INPP5A: variants seen among roughly 807,000 people sequenced by gnomAD.
INPP5A encodes 43 kDa inositol polyphosphate 5-phophatase.
Under a neutral mutation model 65.2 loss-of-function variants are expected in INPP5A, and 14 were observed. The observed-to-expected ratio is 0.21, with a 90% CI of 0.14 to 0.34. The LOEUF (loss-of-function observed/expected upper bound fraction) is 0.34. INPP5A is among the 10% of genes least tolerant of loss of function. The pLI is 1.00. For missense variants in INPP5A, 431 were observed against 545.6 expected (o/e 0.79, Z 2.09); for synonymous variants, 207 against 208.3 (o/e 0.99, Z 0.05).
chr10:132,583,264 T>A (rs1721189562), intron 1 of INPP5A, among the ~76,000 whole-genome samples: 1 of 152,254 alleles, frequency 6.6e-6, no homozygotes, highest in African/African-American at 2.4e-5. Flanking sequence ...CATGGTTGTG[T>A]ACTAATCTCG....
At chr10:132,694,204 C>T (rs1354125035) in intron 5 of INPP5A, among the ~76,000 whole-genome samples, 1 of 152,104 alleles carries the variant, frequency 6.6e-6, no homozygotes, top group Non-Finnish European at 1.5e-5. Flanking sequence ...GGAATTAAAC[C>T]AGAAATCAGC....
chr10:132,654,656 A>T (rs560138750), intron 4 of INPP5A, among the ~76,000 whole-genome samples: 13 of 152,352 alleles, frequency 8.5e-5, no homozygotes, highest in African/African-American at 2.2e-4. Context: ...TACAAGATTG[A>T]TGGTATTGGA....
chr10:132,719,913 C>G lies in INPP5A; in HGVS notation c.648-6908C>G, dbSNP rs550051803. On this transcript the variant is annotated intron_variant, in intron 8 of 15. Transcript: ENST00000368594. ...TTCAGGGTTCTGTGGTACCTGGGTT[C>G]TGTCTGGGCACCTTAGACGGCTGTC... Among the ~76,000 whole-genome samples, 4 of 150,120 alleles carry G rather than the reference C, an allele frequency of 2.7e-5. No individual in the cohort carries two copies. In the East Asian group the frequency reaches 8.1e-4, roughly 30 times the overall value.
intron 1 of INPP5A, among the ~76,000 whole-genome samples, chr10:132,604,626 CT>C (rs1307188365): frequency 6.6e-6 from 1 of 152,226 alleles, no homozygotes; most frequent in African/African-American, 2.4e-5. Context: ...TACTTGCACA[CT>C]GTGGTCTGTG....
At chr10:132,543,868 C>T (rs767179088) in intron 1 of INPP5A, among the ~76,000 whole-genome samples, 2 of 152,182 alleles carry the variant, frequency 1.3e-5, no homozygotes, top group African/African-American at 2.4e-5. Flanking sequence ...CCTTTAAGTT[C>T]GGGTGAACAG....
At chr10:132,578,107 G>C (rs755408122) in intron 1 of INPP5A, among the ~76,000 whole-genome samples, 1 of 152,212 alleles carries the variant, frequency 6.6e-6, no homozygotes, top group Non-Finnish European at 1.5e-5. Flanking sequence ...TAAAATTAAC[G>C]TGTGAGGGGA....
intron 12 of INPP5A, among the ~76,000 whole-genome samples, chr10:132,774,551 A>G (rs1202475959): frequency 1.3e-5 from 2 of 152,186 alleles, no homozygotes; most frequent in African/African-American, 4.8e-5. Context: ...GCCCCCACCC[A>G]GCCTGCCTTC....
rs1276089606 is a variant in INPP5A at position 132,782,101 on chromosome 10, G to A, written c.*72G>A. 21 of 1,537,376 alleles carry A rather than the reference G, an allele frequency of 1.4e-5. No individual in the cohort carries two copies. Among genetic ancestry groups the A allele is most frequent in the Middle Eastern group, 1.7e-4 (1 of 5,924 alleles). ...CTCCCTGTAGCCGTGGACCGAATAC[G>A]CACTCTTGAAAGCTGCATCGAGAAC... is the stretch of plus-strand genomic sequence containing the variant. On this transcript the variant is annotated 3_prime_UTR_variant, in exon 16 of 16. Coordinates refer to ENST00000368594, the MANE Select transcript of INPP5A (RefSeq NM_005539.5). The surrounding 1 kb of genome is among the most constrained non-coding windows in gnomAD (Gnocchi z 4.4).
At chr10:132,699,799 C>A (rs185772700) in intron 6 of INPP5A, among the ~76,000 whole-genome samples, 31 of 152,344 alleles carry the variant, frequency 2.0e-4, no homozygotes, top group Admixed American at 1.7e-3. Flanking sequence ...AGCCCTGCCA[C>A]TCTGGCCAGC....
intron 1 of INPP5A, among the ~76,000 whole-genome samples, chr10:132,596,581 C>G (rs552641538): frequency 6.6e-6 from 1 of 152,262 alleles, no homozygotes; most frequent in South Asian, 2.1e-4. Flanking sequence ...GCACCCACCA[C>G]CATGCCCGGC....
chr10:132,559,110 C>G (rs1182591682), intron 1 of INPP5A, among the ~76,000 whole-genome samples: 5 of 152,240 alleles, frequency 3.3e-5, no homozygotes, highest in South Asian at 4.1e-4. Flanking sequence ...GCTGGCCACT[C>G]ACTGCCTCAT....
intron 7 of INPP5A, 43 bp downstream of exon 7, chr10:132,708,408 AC>A: frequency 5.7e-6 from 9 of 1,576,954 alleles, no homozygotes; most frequent in Non-Finnish European, 7.9e-6. Flanking sequence ...AACGTTTCTT[AC>A]CCTTTTATAT....
At chr10:132,599,316 A>T (rs2071747666) in intron 1 of INPP5A, among the ~76,000 whole-genome samples, 2 of 152,204 alleles carry the variant, frequency 1.3e-5, no homozygotes, top group African/African-American at 4.8e-5. Context: ...AAATTGGCCA[A>T]AACAAAGGGG....
At position 132,648,532 on chromosome 10, in the gene INPP5A, G is replaced by C. The variant is rs542679279; in HGVS notation, c.219-1886G>C. Among the ~76,000 whole-genome samples, 3 of 152,344 alleles carry C rather than the reference G, an allele frequency of 2.0e-5. No homozygotes were observed. In the South Asian group the frequency reaches 6.2e-4, roughly 32 times the overall value. On this transcript the variant is annotated intron_variant, in intron 3 of 15. Transcript: ENST00000368594. ...TGGCACCCTTCTCTCTCTGCCTGAA[G>C]AACGTTCTTTAACATTTATTTTAGC... is the stretch of plus-strand genomic sequence containing the variant.
chr10:132,633,751 T>G (rs955673120), intron 2 of INPP5A, among the ~76,000 whole-genome samples: 5 of 152,232 alleles, frequency 3.3e-5, no homozygotes, highest in African/African-American at 1.2e-4. Context: ...GCTCCTGCCT[T>G]GGGTGTTGCT....
At position 132,782,106 on chromosome 10, in the gene INPP5A, C is replaced by T. The variant is rs1273769677; in HGVS notation, c.*77C>T. The stretch of plus-strand genomic sequence containing the variant: ...TGTAGCCGTGGACCGAATACGCACT[C>T]TTGAAAGCTGCATCGAGAACCCGCC... On this transcript the variant is annotated 3_prime_UTR_variant, in exon 16 of 16. Coordinates refer to ENST00000368594, the MANE Select transcript of INPP5A (RefSeq NM_005539.5). The surrounding 1 kb of genome is among the most constrained non-coding windows in gnomAD (Gnocchi z 4.4). The T allele has an allele frequency of 6.5e-7, 1 of 1,538,180 alleles. No homozygotes were observed. Among genetic ancestry groups the T allele is most frequent in the South Asian group, 1.2e-5 (1 of 83,484 alleles).
At chr10:132,662,330 A>C (rs1004715679) in intron 4 of INPP5A, among the ~76,000 whole-genome samples, 19 of 152,316 alleles carry the variant, frequency 1.2e-4, no homozygotes, top group Admixed American at 1.2e-3. Context: ...CACATTCCAC[A>C]CTAAGACTGA....
intron 1 of INPP5A, among the ~76,000 whole-genome samples, chr10:132,562,081 C>T (rs1564916744): frequency 6.6e-6 from 1 of 152,248 alleles, no homozygotes; most frequent in Admixed American, 6.5e-5. Flanking sequence ...CAGGAAGGGC[C>T]GAAGAGCCAG....
rs540106176 is a variant in INPP5A at position 132,778,633 on chromosome 10, C to G, written c.1089+851C>G. Among the ~76,000 whole-genome samples, 19 of 152,346 alleles carry G rather than the reference C, an allele frequency of 1.2e-4. 1 individual carries two copies. The South Asian group carries it at 3.9e-3, about 32-fold the overall frequency. On this transcript the variant is annotated intron_variant, in intron 13 of 15. Transcript: ENST00000368594. Reference sequence around the variant, plus strand: ...CTGTGCCCAACACCCAGAGCCGGGGCCTCTGAACATAACGTGGGTGTGCAA... The same window carrying G: ...CTGTGCCCAACACCCAGAGCCGGGGGCTCTGAACATAACGTGGGTGTGCAA...
Sources: gnomAD v4.1 joint callset for allele counts (sites outside exome capture counted in the v4.1 genomes callset) on GRCh38, gnomAD v4.1.1 for gene constraint, Gnocchi (gnomAD v3.1) non-coding constraint, MANE v1.5 for transcripts, NCBI Gene and HGNC (gene_info 2026-07-23, HGNC 2026-07-21) for gene names.